Variants in GALNT13 observed in about 807,000 individuals in gnomAD.
The protein encoded by GALNT13 is UDP-GalNAc:polypeptide N-acetylgalactosaminyltransferase 13.
GALNT13 carries 28 observed loss-of-function variants against 64.2 expected under a neutral mutation model. The observed-to-expected ratio is 0.44, with a 90% confidence interval of 0.32 to 0.60. GALNT13 has a LOEUF of 0.60. Ranked by LOEUF, GALNT13 falls within the 20% of genes least tolerant of loss-of-function variation. The probability of loss-of-function intolerance (pLI) is 0.05; values close to 1 mark genes in which losing one functional copy is unlikely to be tolerated. For missense variants in GALNT13, 577 were observed against 669.8 expected, an observed-to-expected ratio of 0.86 and a Z score of 1.53; for synonymous variants, 214 against 224.6, an observed-to-expected ratio of 0.95 and a Z score of 0.42.
intron 4 of GALNT13, among the ~76,000 whole-genome samples, chr2:154,143,796 G>T (rs919591412): frequency 6.8e-6 from 1 of 148,136 alleles, no homozygotes; most frequent in Non-Finnish European, 1.5e-5. Context: ...AGGAGGCAGA[G>T]GTTGCAGTGA....
At chr2:153,630,783 ATATATATATATATATATATATATATTT>A in the GALNT13 span, among the ~76,000 whole-genome samples, 2 of 9,476 alleles carry the variant, frequency 2.1e-4, no homozygotes, top group African/African-American at 7.1e-4. Flanking sequence ...ATATATATAT[ATATATATATATATATATATATATATTT>A]TTTTTTTTTT....
rs544791108 is a variant in GALNT13, at chr2:154,001,175, A to T, written c.142+56536A>T. Among the ~76,000 whole-genome samples the T allele has an allele frequency of 1.1e-4, 16 of 151,940 alleles. 1 individual carries two copies. The South Asian group carries it at 3.3e-3, about 31-fold the overall frequency. On this transcript the variant is annotated intron_variant, in intron 3 of 12. Transcript: ENST00000392825. The stretch of plus-strand genomic sequence containing the variant: ...GTCACTTCAGTTTCTATCTTTGTGC[A>T]TCTTTAAAGGTGAAGTAGATTTCTT...
At chr2:153,680,521 A>G in the GALNT13 span, among the ~76,000 whole-genome samples, 1 of 151,924 alleles carries the variant, frequency 6.6e-6, no homozygotes, top group African/African-American at 2.4e-5. Context: ...TACAGAAATT[A>G]TAGATCCCCT....
At chr2:154,062,452 A>C (rs1414272947) in intron 3 of GALNT13, among the ~76,000 whole-genome samples, 1 of 152,130 alleles carries the variant, frequency 6.6e-6, no homozygotes, top group Non-Finnish European at 1.5e-5. Context: ...GAACTACCTG[A>C]GACTGGATAA....
intron 4 of GALNT13, among the ~76,000 whole-genome samples, chr2:154,181,497 A>G (rs1350674127): frequency 6.6e-6 from 1 of 152,048 alleles, no homozygotes; most frequent in East Asian, 1.9e-4. Context: ...GTGAGTATGT[A>G]TTTTCCCCAA....
intron 3 of GALNT13, among the ~76,000 whole-genome samples, chr2:154,006,151 A>G (rs1696235936): frequency 6.6e-6 from 1 of 152,190 alleles, no homozygotes; most frequent in Non-Finnish European, 1.5e-5. Flanking sequence ...CATTAGAATA[A>G]TCCTGTGAGA....
chr2:153,119,077 TGAA>T, the GALNT13 span, among the ~76,000 whole-genome samples: 7 of 152,146 alleles, frequency 4.6e-5, no homozygotes, highest in East Asian at 1.9e-4. Flanking sequence ...TGCCACCATG[TGAA>T]GAAGAACATG....
At chr2:154,027,105 A>T (rs1053581075) in intron 3 of GALNT13, among the ~76,000 whole-genome samples, 1 of 152,178 alleles carries the variant, frequency 6.6e-6, no homozygotes, top group African/African-American at 2.4e-5. Context: ...TGATATGTAG[A>T]ATATCATATT....
At chr2:153,553,825 C>T in the GALNT13 span, among the ~76,000 whole-genome samples, 8 of 152,054 alleles carry the variant, frequency 5.3e-5, no homozygotes, top group East Asian at 1.4e-3. Context: ...TCAGACAGAG[C>T]GGGCAGCTGA....
the GALNT13 span, among the ~76,000 whole-genome samples, chr2:153,086,764 C>G: frequency 6.7e-6 from 1 of 148,630 alleles, no homozygotes; most frequent in South Asian, 2.1e-4. Flanking sequence ...TTGTTGGGTT[C>G]TTGATTTGAT....
intron 3 of GALNT13, among the ~76,000 whole-genome samples, chr2:153,996,852 G>A (rs951412748): frequency 6.6e-6 from 1 of 152,034 alleles, no homozygotes; most frequent in Non-Finnish European, 1.5e-5. Flanking sequence ...TTGTATATGT[G>A]AGATAGGGTC....
At chr2:154,256,932 G>A (rs16836386) in intron 7 of GALNT13, among the ~76,000 whole-genome samples, 3,192 of 152,162 alleles carry the variant, frequency 0.021, 80 homozygotes, top group African/African-American at 0.065. Flanking sequence ...GTGCACATGG[G>A]CATATGTAAA....
intron 3 of GALNT13, 93 bp from the exon 4 acceptor site, chr2:154,140,244 A>G: frequency 1.1e-6 from 1 of 885,476 alleles, no homozygotes; most frequent in Non-Finnish European, 1.7e-6. Context: ...TGTAAATAAT[A>G]TGCTTCAGAA....
At chr2:153,826,538 G>T in the GALNT13 span, among the ~76,000 whole-genome samples, 1 of 152,016 alleles carries the variant, frequency 6.6e-6, no homozygotes, top group Non-Finnish European at 1.5e-5. Flanking sequence ...GTGTTCCCTG[G>T]TATTACCTGT....
chr2:153,546,001 G>A, the GALNT13 span, among the ~76,000 whole-genome samples: 26 of 152,278 alleles, frequency 1.7e-4, no homozygotes, highest in Non-Finnish European at 3.5e-4. Flanking sequence ...CATGCCCTCT[G>A]AGTATTCCAA....
chr2:153,318,085 C>G, the GALNT13 span, among the ~76,000 whole-genome samples: 1 of 146,930 alleles, frequency 6.8e-6, no homozygotes, highest in Admixed American at 6.8e-5. Context: ...GTGCTAATAT[C>G]TTTGCAACCT....
At chr2:154,086,111 T>A (rs1030225002) in intron 3 of GALNT13, among the ~76,000 whole-genome samples, 1 of 148,500 alleles carries the variant, frequency 6.7e-6, no homozygotes, top group African/African-American at 2.4e-5. Flanking sequence ...ATATATAATA[T>A]ATATTATGTG....
intron 3 of GALNT13, among the ~76,000 whole-genome samples, chr2:153,988,531 A>G (rs774126999): frequency 1.3e-5 from 2 of 151,966 alleles, no homozygotes; most frequent in Non-Finnish European, 2.9e-5. Context: ...ATAGTATTCC[A>G]TTGTGTATAT....
the GALNT13 span, among the ~76,000 whole-genome samples, chr2:153,555,065 A>T: frequency 2.6e-5 from 4 of 152,272 alleles, no homozygotes; most frequent in Admixed American, 6.5e-5. Context: ...AGTACCTTTT[A>T]AAAAATAATT....
Sources: allele counts gnomAD v4.1 joint callset (sites outside exome capture counted in the v4.1 genomes callset), GRCh38; gene constraint gnomAD v4.1.1; transcripts MANE v1.5; gene names NCBI Gene and HGNC (gene_info 2026-07-23, HGNC 2026-07-21).